PLA2G6: variants seen among roughly 807,000 people sequenced by gnomAD.
The protein encoded by PLA2G6 is phospholipase A2 group VI.
In PLA2G6, 62 loss-of-function variants were observed where a neutral mutation model predicts 83.8. The observed-to-expected ratio is 0.74, with a 90% CI of 0.60 to 0.91. The LOEUF (loss-of-function observed/expected upper bound fraction) is 0.91. Ranked by LOEUF, PLA2G6 falls within the 40% of genes least tolerant of loss-of-function variation. The pLI is 0.00. For synonymous variants in PLA2G6, 417 were observed against 449.8 expected, an observed-to-expected ratio of 0.93 and a Z score of 0.92; for missense variants, 944 against 1,102.0, an observed-to-expected ratio of 0.86 and a Z score of 2.03.
At chr22:38,146,199 C>T (rs2089251134) in intron 2 of PLA2G6, 1 of 168,564 alleles carries the variant, frequency 5.9e-6, no homozygotes, top group South Asian at 1.4e-4. Context: ...CCACACCTGG[C>T]TAATTTTTTG....
At chr22:38,131,805 A>G in intron 7 of PLA2G6, 1 of 266,610 alleles carries the variant, frequency 3.8e-6, no homozygotes, top group Non-Finnish European at 7.4e-6. Context: ...AAACGTGCAC[A>G]CGGTGGGGCG....
intron 2 of PLA2G6, among the ~76,000 whole-genome samples, chr22:38,151,468 T>G (rs1405775030): frequency 6.6e-6 from 1 of 152,164 alleles, no homozygotes; most frequent in Non-Finnish European, 1.5e-5. Context: ...CTGGAAATCC[T>G]GGGCTCAAGC....
In PLA2G6 at chr22:38,135,101, C is replaced by T. The variant is rs1443039005; in HGVS notation, c.798-17G>A. ...TCCGCACACCTGGTGAGAGAGGGGC[C>T]CCGGTTGGTGAGCAGAAGCTAGGGT... On this transcript the variant is annotated splice_polypyrimidine_tract_variant and intron_variant, in intron 5 of 16. Transcript: ENST00000332509. The T allele has an allele frequency of 1.3e-6, 2 of 1,599,318 alleles. No homozygotes were observed. The highest frequency in any genetic ancestry group is 3.3e-5 in the Admixed American group (2 of 59,984).
chr22:38,152,903 C>T (rs1291638793), intron 2 of PLA2G6, among the ~76,000 whole-genome samples: 1 of 151,744 alleles, frequency 6.6e-6, no homozygotes, highest in South Asian at 2.1e-4. Context: ...TAAGACTACA[C>T]GCTATATGAT....
chr22:38,155,651 T>C (rs1409883976), intron 2 of PLA2G6, among the ~76,000 whole-genome samples: 1 of 152,156 alleles, frequency 6.6e-6, no homozygotes, highest in African/African-American at 2.4e-5. Flanking sequence ...AAGCCTCATG[T>C]TAACCTCAAA....
intron 9 of PLA2G6, among the ~76,000 whole-genome samples, chr22:38,127,877 T>C (rs943279017): frequency 6.6e-6 from 1 of 151,978 alleles, no homozygotes; most frequent in African/African-American, 2.4e-5. Context: ...AACAGTGTGA[T>C]AGAGGTGAAG....
At chr22:38,160,679 T>C (rs2145893562) in intron 2 of PLA2G6, among the ~76,000 whole-genome samples, 1 of 152,222 alleles carries the variant, frequency 6.6e-6, no homozygotes. Context: ...ACCTCGTCTC[T>C]ACTAAAATAC....
At chr22:38,136,195 T>G (rs952083454) in intron 5 of PLA2G6, 24 of 152,188 alleles carry the variant, frequency 1.6e-4, no homozygotes, top group African/African-American at 5.6e-4. Flanking sequence ...TTATTAATGG[T>G]TACAGTTTCT....
rs132936 is a variant in PLA2G6, at chr22:38,145,784, AACACACACAC to A, written c.210-141_210-132del. On this transcript the variant is annotated intron_variant, in intron 2 of 16. Transcript: ENST00000332509. The stretch of plus-strand genomic sequence containing the variant: ...TCCAGCCCGACTCCCCTCCCAAGCA[AACACACACAC>A]ACACACACACACACACACACACACA... 7.8e-3 allele frequency: 3,775 copies of A among 483,798 alleles called. 9 individuals are homozygous for A. The highest frequency in any genetic ancestry group is 1.0e-2 in the Non-Finnish European group (2,660 of 266,472). 30.0% of individuals were successfully genotyped at this position (483,798 alleles called of 1,614,324 possible). A position where few individuals can be genotyped will look rare whatever the true frequency, so the allele number is the denominator to read the frequency against.
At chr22:38,115,827 CCA>C in intron 13 of PLA2G6, 146 bp from the exon 14 acceptor site, 1 of 1,476,918 alleles carries the variant, frequency 6.8e-7, no homozygotes, top group Non-Finnish European at 9.0e-7. Flanking sequence ...ACCCACGAAG[CCA>C]CACTCTCTGG....
At position 38,116,119 on chromosome 22, in the gene PLA2G6, C is replaced by A. The variant is rs200117092; in HGVS notation, c.1835G>T (p.Arg612Leu). The stretch of plus-strand genomic sequence containing the variant: ...CCTGAGGTTAACGTTCTGGTTGAAA[C>A]GAGGCTCCCGGACAGTTTCTGGAGC... ...YDAPETVREPRFNQNVNLRPP... is the reference protein window; with the variant it reads ...YDAPETVREPLFNQNVNLRPP... Residue 612 changes from arginine to leucine, a missense_variant, in exon 13 of 17, where the codon CGT becomes CTT. Physicochemically the swap from Arg to Leu is moderately radical, Grantham distance 102. Coordinates refer to ENST00000332509, the MANE Select transcript of PLA2G6 (RefSeq NM_003560.4). 1.2e-4 allele frequency: 190 copies of A among 1,613,942 alleles called. 1 individual carries two copies. Among genetic ancestry groups the A allele is most frequent in the Non-Finnish European group, 1.0e-4 (123 of 1,180,012 alleles).
chr22:38,127,107 C>G (rs2087906001), intron 9 of PLA2G6: 28 of 1,119,460 alleles, frequency 2.5e-5, no homozygotes, highest in Non-Finnish European at 3.0e-5. Flanking sequence ...CAGCCCAGTC[C>G]CCAGGTGCCT....
Position 38,123,194 on chromosome 22 carries a change from T to C in PLA2G6, c.1492A>G (p.Ile498Val), listed in dbSNP as rs1183569433. ...VKGLIIIQLL[I>V]AIEKASGVAT... ...ACACCCGAGGCCTTCTCGATGGCGA[T>C]GAGGAGCTGGATGATGATGAGGCCT... Residue 498 changes from isoleucine to valine, a missense_variant, in exon 11 of 17, where the codon ATC becomes GTC. By Grantham distance (29) the Ile-to-Val change is conservative. Transcript: ENST00000332509. The surrounding 1 kb of genome is among the most constrained non-coding windows in gnomAD (Gnocchi z 4.1). 3 of 1,553,612 alleles carry C rather than the reference T, an allele frequency of 1.9e-6. No homozygotes were observed. The East Asian group carries it at 7.3e-5, about 38-fold the overall frequency.
intron 2 of PLA2G6, among the ~76,000 whole-genome samples, chr22:38,156,586 T>C (rs966074459): frequency 6.6e-6 from 1 of 152,078 alleles, no homozygotes; most frequent in Non-Finnish European, 1.5e-5. Flanking sequence ...CCTGAGTAGC[T>C]GGGACTACAG....
intron 12 of PLA2G6, among the ~76,000 whole-genome samples, chr22:38,119,940 A>G (rs1569248484): frequency 6.6e-6 from 1 of 151,986 alleles, no homozygotes; most frequent in African/African-American, 2.4e-5. Context: ...AAAAACAAAA[A>G]CCTAGAAACA....
chr22:38,145,619 C>T lies in PLA2G6; in HGVS notation c.244G>A (p.Val82Met). The T allele has an allele frequency of 1.2e-6, 2 of 1,613,540 alleles. No homozygotes were observed. The highest frequency in any genetic ancestry group is 1.1e-5 in the South Asian group (1 of 90,914). Reference sequence around the variant, plus strand: ...TGGGAAGAATACTGATGGAAATTCACTAGGGCGTCAGCCTCCAACTCCAGC... The same window carrying T: ...TGGGAAGAATACTGATGGAAATTCATTAGGGCGTCAGCCTCCAACTCCAGC... ...FQLELEADAL[V>M]NFHQYSSQLL... The change falls in exon 3 of 17, where the codon GTG becomes ATG. Residue 82 changes from valine (V) to methionine (M), a missense_variant. Coordinates refer to ENST00000332509, the MANE Select transcript of PLA2G6 (RefSeq NM_003560.4).
rs766760828 is a variant in PLA2G6, at chr22:38,140,060, A to G, written c.719T>C (p.Leu240Pro). 6.2e-7 allele frequency: 1 copy of G among 1,613,924 alleles called. No homozygotes were observed. Among genetic ancestry groups the G allele is most frequent in the South Asian group, 1.1e-5 (1 of 90,980 alleles). The change falls in exon 5 of 17, where the codon CTG becomes CCG. Residue 240 changes from leucine (L) to proline (P), a missense_variant. Leu to Pro is a moderately conservative substitution (Grantham distance 98, BLOSUM62 -3). Coordinates refer to ENST00000332509, the MANE Select transcript of PLA2G6 (RefSeq NM_003560.4). ...GATGTTGCACCGAGCATTGCACAGC[A>G]GCAGCACGCGGACCATCTCCTGCTT... ...LGKQEMVRVL[L>P]LCNARCNIMG...
intron 1 of PLA2G6, among the ~76,000 whole-genome samples, chr22:38,180,140 G>GACACAC (rs133028): frequency 0.016 from 2,228 of 137,878 alleles, 52 homozygotes; most frequent in African/African-American, 0.05. Context: ...GATGTCTGCA[G>GACACAC]ACACACACAC....
In PLA2G6 at chr22:38,120,831, G is replaced by A. The variant is rs769047790; in HGVS notation, c.1670C>T (p.Ser557Leu). 16 of 1,613,770 alleles carry A rather than the reference G, an allele frequency of 9.9e-6. No individual in the cohort carries two copies. Among genetic ancestry groups the A allele is most frequent in the South Asian group, 2.2e-5 (2 of 91,082 alleles). The change falls in exon 12 of 17, where the codon TCG becomes TTG. Residue 557 changes from serine to leucine, a missense_variant. Ser to Leu is a moderately radical substitution (Grantham distance 145, BLOSUM62 -2). Transcript: ENST00000332509. The stretch of plus-strand genomic sequence containing the variant: ...CTTCAGGAACTCCTCCAGGGGCCCC[G>A]ACTCGTAGGGCCTGGAGCCCCGGAA... The part of the protein sequence containing the change: ...EVFRGSRPYE[S>L]GPLEEFLKRE...
Sources: gnomAD v4.1 joint callset for allele counts (sites outside exome capture counted in the v4.1 genomes callset) on GRCh38, gnomAD v4.1.1 for gene constraint, Gnocchi (gnomAD v3.1) non-coding constraint, MANE v1.5 for transcripts, NCBI Gene and HGNC (gene_info 2026-07-23, HGNC 2026-07-21) for gene names.